Variants in PCDHGA3 observed in about 807,000 individuals in gnomAD.
PCDHGA3 encodes protocadherin gamma-A3.
In PCDHGA3, 40 loss-of-function variants were observed where a neutral mutation model predicts 58.5. The observed-to-expected ratio is 0.68, with a 90% CI of 0.53 to 0.89. The LOEUF is 0.89. Ranked by LOEUF, PCDHGA3 falls within the 40% of genes least tolerant of loss-of-function variation. PCDHGA3 has a pLI of 0.00. For synonymous variants in PCDHGA3, 530 were observed against 525.7 expected (o/e 1.01, Z -0.11); for missense variants, 1,223 against 1,195.9 (o/e 1.02, Z -0.33).
intron 1 of PCDHGA3, among the ~76,000 whole-genome samples, chr5:141,461,616 T>A (rs1399885412): frequency 6.6e-6 from 1 of 152,236 alleles, no homozygotes; most frequent in African/African-American, 2.4e-5. Context: ...CAAAGTATTT[T>A]CTAATACACC....
chr5:141,398,203 T>C (rs1365410987), intron 1 of PCDHGA3: 2 of 1,489,610 alleles, frequency 1.3e-6, no homozygotes. Flanking sequence ...GTCTTTGTTC[T>C]GCCCGGCGCT....
rs544860780 is a variant in PCDHGA3 at position 141,406,543 on chromosome 5, C to G, written c.2424+60086C>G. On this transcript the variant is annotated intron_variant, in intron 1 of 3. Transcript: ENST00000253812. ...AGATATTTTCTGACGAAGATTCAAA[C>G]TTCAGTTATCCACTTCCAAACCCTA... is the stretch of plus-strand genomic sequence containing the variant. Among the ~76,000 whole-genome samples, 16 of 152,288 alleles carry G rather than the reference C, an allele frequency of 1.1e-4. 1 individual carries two copies. The South Asian group carries it at 2.9e-3, about 28-fold the overall frequency.
intron 1 of PCDHGA3, chr5:141,430,664 C>G (rs2154553866): frequency 8.3e-7 from 1 of 1,209,890 alleles, no homozygotes; most frequent in East Asian, 2.6e-5. Context: ...CGGAGGAGCT[C>G]TGACTTCCCA....
chr5:141,364,171 C>G (rs914010009), intron 1 of PCDHGA3: 73 of 786,522 alleles, frequency 9.3e-5, no homozygotes, highest in Admixed American at 2.2e-4. Context: ...CGACCCGACT[C>G]TGCTCCCTCC....
intron 1 of PCDHGA3, chr5:141,374,346 G>A: frequency 1.2e-6 from 2 of 1,614,048 alleles, no homozygotes; most frequent in South Asian, 2.2e-5. Flanking sequence ...GTCACCGCGG[G>A]TAGGATAGAC....
chr5:141,421,592 T>C (rs1590304832), intron 1 of PCDHGA3: 1 of 1,613,272 alleles, frequency 6.2e-7, no homozygotes, highest in Non-Finnish European at 8.5e-7. Context: ...GGAGTGGAGG[T>C]GGAAATAATA....
chr5:141,387,144 G>C (rs2090840258), intron 1 of PCDHGA3, among the ~76,000 whole-genome samples: 1 of 152,168 alleles, frequency 6.6e-6, no homozygotes, highest in Admixed American at 6.5e-5. Context: ...ATTGGGAAGG[G>C]GGTGTATTTG....
At chr5:141,474,756 T>C (rs2099354156) in intron 1 of PCDHGA3, among the ~76,000 whole-genome samples, 1 of 152,244 alleles carries the variant, frequency 6.6e-6, no homozygotes, top group Non-Finnish European at 1.5e-5. Flanking sequence ...AAGACAAATA[T>C]ACAGAAATAG....
intron 1 of PCDHGA3, among the ~76,000 whole-genome samples, chr5:141,460,979 GTGTGTATATA>G (rs143444831): frequency 0.04 from 5,417 of 134,264 alleles, 125 homozygotes; most frequent in South Asian, 0.082. Context: ...GTGTGTGTGT[GTGTGTATATA>G]TATATATGTG....
intron 1 of PCDHGA3, chr5:141,427,795 C>A: frequency 6.7e-7 from 1 of 1,499,260 alleles, no homozygotes; most frequent in Non-Finnish European, 9.2e-7. Context: ...TCCTACGTGT[C>A]CGTGAGCGCA....
At chr5:141,361,943 G>A (rs758202252) in intron 1 of PCDHGA3, 2 of 1,605,254 alleles carry the variant, frequency 1.2e-6, no homozygotes, top group South Asian at 2.2e-5. Flanking sequence ...CACAACGCTT[G>A]GCTGTCCTAC....
At chr5:141,478,051 G>A (rs751371411) in intron 1 of PCDHGA3, 2 of 1,614,088 alleles carry the variant, frequency 1.2e-6, no homozygotes, top group East Asian at 2.2e-5. Context: ...AGACTCTCAC[G>A]GTCTTGATCA....
At chr5:141,361,098 A>G (rs1345076438) in intron 1 of PCDHGA3, 1 of 1,614,016 alleles carries the variant, frequency 6.2e-7, no homozygotes, top group East Asian at 2.2e-5. Context: ...GTATCGAAGC[A>G]AAAGATCCTG....
intron 1 of PCDHGA3, chr5:141,393,162 T>C (rs771570808): frequency 3.1e-6 from 5 of 1,613,142 alleles, no homozygotes; most frequent in Admixed American, 1.7e-5. Context: ...AGGAAAACTC[T>C]TTGGGGTAGA....
rs754888812 is a variant in PCDHGA3, at chr5:141,374,393, G to T, written c.2424+27936G>T. The T allele has an allele frequency of 1.1e-5, 18 of 1,614,032 alleles. No individual in the cohort carries two copies. In the Middle Eastern group the frequency reaches 1.2e-3, roughly 104 times the overall value. ...CTGTGCTCAGAGCCCGCGGTGTCTG[G>T]TGAGTTTTAACATCCTTGTCGAGGA... On this transcript the variant is annotated intron_variant, in intron 1 of 3. Transcript: ENST00000253812.
Position 141,383,201 on chromosome 5 carries a change from G to A in PCDHGA3, c.2424+36744G>A, listed in dbSNP as rs368180461. ...GAAGAGATCTGCGCTCAGAGTGCGCGGTGTCTGGTAAACTTTAACATCCTG... is the reference window on the plus strand; with the variant it reads ...GAAGAGATCTGCGCTCAGAGTGCGCAGTGTCTGGTAAACTTTAACATCCTG... On this transcript the variant is annotated intron_variant, in intron 1 of 3. Coordinates refer to ENST00000253812, the MANE Select transcript of PCDHGA3 (RefSeq NM_018916.4). 4.3e-6 allele frequency: 7 copies of A among 1,613,882 alleles called. No individual in the cohort carries two copies. In the African/African-American group the frequency reaches 9.3e-5, roughly 22 times the overall value.
chr5:141,410,086 G>C (rs759204005), intron 1 of PCDHGA3: 1 of 1,612,588 alleles, frequency 6.2e-7, no homozygotes, highest in Non-Finnish European at 8.5e-7. Flanking sequence ...AGGTGCGCAC[G>C]GCTCGAGCCT....
intron 1 of PCDHGA3, chr5:141,371,159 G>A: frequency 6.2e-7 from 1 of 1,614,024 alleles, no homozygotes; most frequent in Non-Finnish European, 8.5e-7. Flanking sequence ...CAGAGAACCT[G>A]CCCGCTGGCT....
chr5:141,350,084 A>C (rs902633584), intron 1 of PCDHGA3: 21 of 441,658 alleles, frequency 4.8e-5, no homozygotes, highest in African/African-American at 8.1e-5. Flanking sequence ...ATTCTGCAGG[A>C]GCGTCAGGCA....
Sources: allele counts gnomAD v4.1 joint callset (sites outside exome capture counted in the v4.1 genomes callset), GRCh38; gene constraint gnomAD v4.1.1; transcripts MANE v1.5; gene names NCBI Gene and HGNC (gene_info 2026-07-23, HGNC 2026-07-21).